The following SPTLC2 variants were observed in gnomAD, a reference collection of about 807,000 sequenced individuals.
The protein encoded by SPTLC2 is serine palmitoyltransferase long chain base subunit 2.
Under a neutral mutation model 62.0 loss-of-function variants are expected in SPTLC2, and 21 were observed. That is an observed-to-expected ratio of 0.34 (90% CI 0.24 to 0.49). The LOEUF (loss-of-function observed/expected upper bound fraction) is 0.49, where lower values mean the gene tolerates loss of function less well. Ranked by LOEUF, SPTLC2 falls within the 20% of genes least tolerant of loss-of-function variation. The pLI is 0.99. For missense variants in SPTLC2, 511 were observed against 713.0 expected (o/e 0.72, Z 3.23); for synonymous variants, 261 against 261.8 (o/e 1.00, Z 0.03).
intron 9 of SPTLC2, among the ~76,000 whole-genome samples, chr14:77,538,863 C>A (rs1434300356): frequency 6.6e-6 from 1 of 151,976 alleles, no homozygotes; most frequent in East Asian, 1.9e-4. Context: ...GAGCCACTAT[C>A]CCCAGCCTGT....
rs771876630 is a variant in SPTLC2, at chr14:77,597,258, T to C, written c.255A>G (p.Gly85=). 5.0e-6 allele frequency: 8 copies of C among 1,614,152 alleles called. No homozygotes were observed. The Admixed American group carries it at 1.3e-4, about 27-fold the overall frequency. ...YVGYGVLTLF[G]YLRDFLRYWR... Reference sequence around the variant, plus strand: ...AATACCTCAAGAAATCTCGAAGATATCCAAAGAGGGTGAGTACGCCATACC... The same window carrying C: ...AATACCTCAAGAAATCTCGAAGATACCCAAAGAGGGTGAGTACGCCATACC... The change falls in exon 2 of 12, where the codon GGA becomes GGG. Residue 85 remains glycine, a synonymous_variant. Coordinates refer to ENST00000216484, the MANE Select transcript of SPTLC2 (RefSeq NM_004863.4).
Position 77,583,254 on chromosome 14 carries a change from A to T in SPTLC2, c.328-4145T>A, listed in dbSNP as rs567489161. Among the ~76,000 whole-genome samples, 34 of 151,036 alleles carry T rather than the reference A, an allele frequency of 2.3e-4. 1 individual carries two copies. The South Asian group carries it at 6.0e-3, about 27-fold the overall frequency. ...ATAAATAAATAAAAATAATAATTTT[A>T]AAAAAGATGAGAAGGGCAGCAAACC... On this transcript the variant is annotated intron_variant, in intron 2 of 11. Coordinates refer to ENST00000216484, the MANE Select transcript of SPTLC2 (RefSeq NM_004863.4).
At chr14:77,543,093 G>C (rs888894201) in intron 9 of SPTLC2, among the ~76,000 whole-genome samples, 18 of 152,268 alleles carry the variant, frequency 1.2e-4, no homozygotes, top group African/African-American at 4.3e-4. Flanking sequence ...TCTGTTGCCT[G>C]AGCTGGAGTG....
In SPTLC2 at chr14:77,616,600, C is replaced by A. The variant is rs1240526451; in HGVS notation, c.-21G>T. ...CGCATCTTCCTGGCAGCACCAGGCG[C>A]AAGGCAGGCTCTGTAGGCGGTGGCA... On this transcript the variant is annotated 5_prime_UTR_variant, in exon 1 of 12. Transcript: ENST00000216484. 1 of 1,537,140 alleles carries A rather than the reference C, an allele frequency of 6.5e-7. No individual in the cohort carries two copies. Among genetic ancestry groups the A allele is most frequent in the African/African-American group, 1.4e-5 (1 of 73,162 alleles).
intron 6 of SPTLC2, among the ~76,000 whole-genome samples, chr14:77,558,447 A>G (rs147029336): frequency 1.3e-3 from 203 of 152,344 alleles, no homozygotes; most frequent in African/African-American, 4.0e-3. Flanking sequence ...TTTGACAGAA[A>G]AAGAGATAAG....
At position 77,511,922 on chromosome 14, in the gene SPTLC2, A is replaced by ATGGGCCCAAGTCTGC. The variant is rs2079334142; in HGVS notation, c.*347_*361dup. 3.2e-6 allele frequency: 1 copy of ATGGGCCCAAGTCTGC among 314,388 alleles called. No homozygotes were observed. The highest frequency in any genetic ancestry group is 6.2e-6 in the Non-Finnish European group (1 of 161,764). The allele number at this position is 314,388 out of a possible 1,614,324, so 19.5% of individuals were successfully genotyped here. A position where few individuals can be genotyped will look rare whatever the true frequency, so the allele number is the denominator to read the frequency against. Reference sequence around the variant, plus strand: ...GAGCCAGGGCCAGCAGTAGCTCTTGATGGGCCCAAGTCTGCAAGGTGCTGG... The same window carrying ATGGGCCCAAGTCTGC: ...GAGCCAGGGCCAGCAGTAGCTCTTGATGGGCCCAAGTCTGCTGGGCCCAAGTCTGCAAGGTGCTGG... On this transcript the variant is annotated 3_prime_UTR_variant, in exon 12 of 12. Coordinates refer to ENST00000216484, the MANE Select transcript of SPTLC2 (RefSeq NM_004863.4).
chr14:77,576,448 A>G (rs917913383), intron 4 of SPTLC2, among the ~76,000 whole-genome samples: 11 of 152,228 alleles, frequency 7.2e-5, no homozygotes, highest in Admixed American at 6.5e-4. Context: ...CAACATCCTA[A>G]TAAGTGGCAC....
intron 11 of SPTLC2, among the ~76,000 whole-genome samples, chr14:77,516,856 G>A (rs1214407473): frequency 6.6e-6 from 1 of 152,220 alleles, no homozygotes; most frequent in Non-Finnish European, 1.5e-5. Flanking sequence ...TGTAGAAACA[G>A]AGAAGAAAAG....
chr14:77,595,892 T>G (rs746252368), intron 2 of SPTLC2, among the ~76,000 whole-genome samples: 5 of 152,212 alleles, frequency 3.3e-5, no homozygotes, highest in African/African-American at 4.8e-5. Context: ...CCTTTTGCCA[T>G]GTGGGACATG....
In SPTLC2 at chr14:77,591,730, G is replaced by GTATGTATTTATTTATT. The variant is rs372095112; in HGVS notation, c.327+5455_327+5456insAATAAATAAATACATA. Among the ~76,000 whole-genome samples, 595 of 131,260 alleles carry GTATGTATTTATTTATT rather than the reference G, an allele frequency of 4.5e-3. 4 individuals carry two copies. The highest frequency in any genetic ancestry group is 0.015 in the African/African-American group (531 of 36,508). The allele number at this position is 131,260 out of a possible 152,430, so 86.1% of individuals were successfully genotyped here. On this transcript the variant is annotated intron_variant, in intron 2 of 11. Coordinates refer to ENST00000216484, the MANE Select transcript of SPTLC2 (RefSeq NM_004863.4). ...TGTATGTATGTATGTATGTATGTATGTATTTATTTTTAGACGGAGTTTCTC... is the reference window on the plus strand; with the variant it reads ...TGTATGTATGTATGTATGTATGTATGTATGTATTTATTTATTTATTTATTTTTAGACGGAGTTTCTC...
At chr14:77,538,962 CCT>C (rs2079485128) in intron 9 of SPTLC2, among the ~76,000 whole-genome samples, 1 of 151,702 alleles carries the variant, frequency 6.6e-6, no homozygotes, top group Non-Finnish European at 1.5e-5. Flanking sequence ...AGTCACTTAA[CCT>C]CTGAGTTTGG....
At chr14:77,515,613 G>A (rs574302005) in intron 11 of SPTLC2, among the ~76,000 whole-genome samples, 16 of 145,944 alleles carry the variant, frequency 1.1e-4, no homozygotes, top group African/African-American at 3.9e-4. Flanking sequence ...GCAGTGGTGC[G>A]ATCTCAGCTC....
chr14:77,536,754 C>G (rs1372986945), intron 9 of SPTLC2, among the ~76,000 whole-genome samples: 1 of 152,084 alleles, frequency 6.6e-6, no homozygotes, highest in Non-Finnish European at 1.5e-5. Context: ...AGCTCTATTT[C>G]TTTTTCTACC....
At chr14:77,615,557 C>T (rs1486427238) in intron 1 of SPTLC2, among the ~76,000 whole-genome samples, 1 of 152,222 alleles carries the variant, frequency 6.6e-6, no homozygotes, top group Non-Finnish European at 1.5e-5. Flanking sequence ...CCAGGAACAC[C>T]GATCTTGCAT....
chr14:77,530,974 C>T (rs2079435566), intron 9 of SPTLC2, among the ~76,000 whole-genome samples: 1 of 152,226 alleles, frequency 6.6e-6, no homozygotes, highest in Non-Finnish European at 1.5e-5. Context: ...GTGAATTCTT[C>T]CCTAACACCG....
At chr14:77,525,080 C>T (rs1241913213) in intron 9 of SPTLC2, among the ~76,000 whole-genome samples, 5 of 151,962 alleles carry the variant, frequency 3.3e-5, no homozygotes, top group Admixed American at 6.6e-5. Context: ...TATTTGATAC[C>T]GTATGCATCT....
chr14:77,544,647 G>C (rs2140011548), intron 9 of SPTLC2, among the ~76,000 whole-genome samples: 1 of 152,322 alleles, frequency 6.6e-6, no homozygotes, highest in African/African-American at 2.4e-5. Flanking sequence ...GGCTTAAAGA[G>C]TTCATGTTAA....
intron 1 of SPTLC2, among the ~76,000 whole-genome samples, chr14:77,599,668 C>T (rs2079866769): frequency 6.6e-6 from 1 of 152,194 alleles, no homozygotes; most frequent in Admixed American, 6.5e-5. Context: ...CTCTTCCACA[C>T]AGCAGAAAAA....
chr14:77,605,481 G>C (rs1294477984), intron 1 of SPTLC2, among the ~76,000 whole-genome samples: 1 of 152,214 alleles, frequency 6.6e-6, no homozygotes, highest in African/African-American at 2.4e-5. Flanking sequence ...TTGAAGAGCT[G>C]TCTTCTATGC....
Sources: gnomAD v4.1 joint callset for allele counts (sites outside exome capture counted in the v4.1 genomes callset) on GRCh38, gnomAD v4.1.1 for gene constraint, MANE v1.5 for transcripts, NCBI Gene and HGNC (gene_info 2026-07-23, HGNC 2026-07-21) for gene names.